RALGAPA2: variants seen among roughly 807,000 people sequenced by gnomAD.
The protein encoded by RALGAPA2 is Ral GTPase activating protein catalytic subunit alpha 2, also known as ral GTPase-activating protein subunit alpha-2.
A neutral mutation model predicts 230.4 loss-of-function variants in RALGAPA2; 139 were observed. The observed-to-expected ratio is 0.60, with a 90% CI of 0.53 to 0.69. The LOEUF is 0.69. RALGAPA2 is among the 30% of genes least tolerant of loss of function. The pLI, the probability that RALGAPA2 is intolerant of heterozygous loss-of-function variation, is 0.00. For synonymous variants in RALGAPA2, 847 were observed against 837.8 expected (o/e 1.01, Z -0.19); for missense variants, 2,163 against 2,276.0 (o/e 0.95, Z 1.01).
intron 35 of RALGAPA2, among the ~76,000 whole-genome samples, chr20:20,501,440 G>T (rs1056379344): frequency 6.6e-6 from 1 of 152,084 alleles, no homozygotes; most frequent in African/African-American, 2.4e-5. Context: ...AACCAACCTC[G>T]GCAAGCTTCA....
intron 24 of RALGAPA2, among the ~76,000 whole-genome samples, chr20:20,545,626 C>A (rs2063757171): frequency 6.6e-6 from 1 of 152,100 alleles, no homozygotes; most frequent in African/African-American, 2.4e-5. Flanking sequence ...ATTTCGACAC[C>A]AATGCTTAGC....
At chr20:20,649,021 G>A (rs1216767386) in intron 4 of RALGAPA2, among the ~76,000 whole-genome samples, 1 of 152,172 alleles carries the variant, frequency 6.6e-6, no homozygotes, top group Admixed American at 6.5e-5. Context: ...ACAAAGAAGT[G>A]CCTGGGAGGG....
chr20:20,604,708 G>C (rs2065765838), intron 15 of RALGAPA2, among the ~76,000 whole-genome samples: 1 of 149,634 alleles, frequency 6.7e-6, no homozygotes, highest in Non-Finnish European at 1.5e-5. Flanking sequence ...TTTTGTTTTA[G>C]CTCATCAGCT....
At chr20:20,501,701 G>A (rs1476689614) in intron 35 of RALGAPA2, among the ~76,000 whole-genome samples, 1 of 152,132 alleles carries the variant, frequency 6.6e-6, no homozygotes, top group Non-Finnish European at 1.5e-5. Context: ...GTAAATATTT[G>A]GTTAAAGAGG....
At chr20:20,490,861 A>AACACACACACACAC (rs34230105) in intron 36 of RALGAPA2, among the ~76,000 whole-genome samples, 32 of 142,272 alleles carry the variant, frequency 2.2e-4, no homozygotes, top group African/African-American at 8.0e-4. Flanking sequence ...AACACACATG[A>AACACACACACACAC]ACACACACAC....
chr20:20,521,123 C>A (rs999348058), intron 30 of RALGAPA2, 23 bp from the exon 31 acceptor site: 9 of 1,566,704 alleles, frequency 5.7e-6, no homozygotes, highest in Non-Finnish European at 7.8e-6. Flanking sequence ...AGGCCATGTG[C>A]ACCACGGATG....
At position 20,400,644 on chromosome 20, in the gene RALGAPA2, A is replaced by G. The variant is rs557826760; in HGVS notation, c.5618-3910T>C. On this transcript the variant is annotated intron_variant, in intron 38 of 39. Transcript: ENST00000202677. Reference sequence around the variant, plus strand: ...ACTCTCTCACTCTCATGGAACATAAACACCAAGATTTCCGCTGCATCTTAG... The same window carrying G: ...ACTCTCTCACTCTCATGGAACATAAGCACCAAGATTTCCGCTGCATCTTAG... 3.9e-5 allele frequency among the ~76,000 whole-genome samples: 6 copies of G among 152,326 alleles called. No homozygotes were observed. The South Asian group carries it at 1.2e-3, about 32-fold the overall frequency.
intron 37 of RALGAPA2, among the ~76,000 whole-genome samples, chr20:20,427,653 GC>G (rs2060414446): frequency 6.6e-6 from 1 of 151,996 alleles, no homozygotes; most frequent in African/African-American, 2.4e-5. Flanking sequence ...TGCTGCAGTG[GC>G]CCCTCGGCTT....
intron 37 of RALGAPA2, among the ~76,000 whole-genome samples, chr20:20,422,562 C>A (rs573215056): frequency 1.3e-5 from 2 of 152,128 alleles, no homozygotes; most frequent in East Asian, 3.9e-4. Context: ...CAGAATGAGA[C>A]CCTGTCTCAA....
chr20:20,608,098 A>G (rs1189056238), intron 14 of RALGAPA2, among the ~76,000 whole-genome samples: 1 of 152,206 alleles, frequency 6.6e-6, no homozygotes, highest in Non-Finnish European at 1.5e-5. Flanking sequence ...TAAGAAGTGC[A>G]TAAGAGCTTC....
At chr20:20,510,361 T>C (rs1362113842) in intron 33 of RALGAPA2, among the ~76,000 whole-genome samples, 1 of 152,148 alleles carries the variant, frequency 6.6e-6, no homozygotes, top group Non-Finnish European at 1.5e-5. Context: ...TAAAAACATA[T>C]AGATCAAAAC....
At chr20:20,406,985 C>T (rs118004059) in intron 38 of RALGAPA2, among the ~76,000 whole-genome samples, 4 of 152,278 alleles carry the variant, frequency 2.6e-5, no homozygotes, top group East Asian at 1.9e-4. Flanking sequence ...CTGGTAGCTA[C>T]GGCTCTGATT....
At chr20:20,593,506 T>G (rs1275714370) in intron 16 of RALGAPA2, among the ~76,000 whole-genome samples, 1 of 152,282 alleles carries the variant, frequency 6.6e-6, no homozygotes, top group Non-Finnish European at 1.5e-5. Context: ...CCCTTCCGGC[T>G]GTCTTCTCTA....
chr20:20,505,169 C>G (rs2062495721), intron 34 of RALGAPA2: 1 of 985,030 alleles, frequency 1.0e-6, no homozygotes, highest in Non-Finnish European at 1.2e-6. Flanking sequence ...TCTGACTATT[C>G]AGTTCTGATA....
At chr20:20,410,654 T>C (rs1310038355) in intron 38 of RALGAPA2, among the ~76,000 whole-genome samples, 1 of 152,234 alleles carries the variant, frequency 6.6e-6, no homozygotes, top group African/African-American at 2.4e-5. Context: ...GTTTTTGTCT[T>C]AGATAGAATG....
At chr20:20,573,922 A>G (rs1245861408) in intron 20 of RALGAPA2, among the ~76,000 whole-genome samples, 2 of 152,214 alleles carry the variant, frequency 1.3e-5, no homozygotes, top group Non-Finnish European at 1.5e-5. Flanking sequence ...TTGTGTTAAC[A>G]TGTTTACATT....
chr20:20,635,666 T>C (rs530846701), intron 8 of RALGAPA2, 49 bp from the exon 9 acceptor site: 1 of 1,403,976 alleles, frequency 7.1e-7, no homozygotes, highest in Admixed American at 2.7e-5. Flanking sequence ...AATCATAACA[T>C]TAAGTAATCC....
intron 36 of RALGAPA2, among the ~76,000 whole-genome samples, chr20:20,476,320 TATA>T (rs1179225709): frequency 1.3e-5 from 2 of 152,038 alleles, no homozygotes; most frequent in Non-Finnish European, 1.5e-5. Flanking sequence ...ACTATAAAAA[TATA>T]ATAATTAAGA....
At chr20:20,557,470 A>G (rs141610196) in intron 23 of RALGAPA2, among the ~76,000 whole-genome samples, 33 of 152,338 alleles carry the variant, frequency 2.2e-4, no homozygotes, top group Middle Eastern at 3.4e-3. Context: ...CACTGTCTCA[A>G]GAATGCATCT....
Sources: allele counts gnomAD v4.1 joint callset (sites outside exome capture counted in the v4.1 genomes callset), GRCh38; gene constraint gnomAD v4.1.1; transcripts MANE v1.5; gene names NCBI Gene and HGNC (gene_info 2026-07-23, HGNC 2026-07-21).